NCKAP5L: variants seen among roughly 807,000 people sequenced by gnomAD.
NCKAP5L encodes the protein NCK associated protein 5 like.
NCKAP5L carries 54 observed loss-of-function variants against 103.2 expected under a neutral mutation model. The observed-to-expected ratio is 0.52, with a 90% CI of 0.42 to 0.66. NCKAP5L has a LOEUF of 0.66. NCKAP5L is among the 30% of genes least tolerant of loss of function. NCKAP5L has a pLI of 0.00. For synonymous variants in NCKAP5L, 762 were observed against 748.6 expected (o/e 1.02, Z -0.29); for missense variants, 1,733 against 1,750.6 (o/e 0.99, Z 0.18).
In NCKAP5L at chr12:49,797,418, A is replaced by C; in HGVS notation, c.466-24T>G. ...ACCTTAGGGGAGAGATGATGGCATG[A>C]GGAGGAGACCACACACAGCTGGGAT... On this transcript the variant is annotated intron_variant, in intron 7 of 12. Coordinates refer to ENST00000335999, the MANE Select transcript of NCKAP5L (RefSeq NM_001037806.4). This position sits in a 1 kb window ranked among gnomAD's most constrained non-coding sequence, Gnocchi z 4.5. 1 of 1,533,688 alleles carries C rather than the reference A, an allele frequency of 6.5e-7. No individual in the cohort carries two copies. The highest frequency in any genetic ancestry group is 8.9e-7 in the Non-Finnish European group (1 of 1,126,700).
intron 1 of NCKAP5L, among the ~76,000 whole-genome samples, chr12:49,825,100 C>T (rs1565598791): frequency 6.6e-6 from 1 of 152,204 alleles, no homozygotes; most frequent in African/African-American, 2.4e-5. Context: ...TCACTTCCCC[C>T]TCTGGACTTC....
intron 1 of NCKAP5L, among the ~76,000 whole-genome samples, chr12:49,825,040 C>G (rs1592765133): frequency 6.6e-6 from 1 of 152,194 alleles, no homozygotes; most frequent in East Asian, 1.9e-4. Flanking sequence ...CCATGTAAAA[C>G]TACACAGCAG....
rs1324198158 is a variant in NCKAP5L at position 49,795,080 on chromosome 12, T to C, written c.2780A>G (p.Lys927Arg). Residue 927 changes from lysine (K) to arginine (R), a missense_variant, in exon 8 of 13, where the codon AAG becomes AGG. By Grantham distance (26) the Lys-to-Arg change is conservative. Transcript: ENST00000335999. Reference protein sequence around the residue: ...IASWFGLKKSKLPALNRRTEA... With the variant: ...IASWFGLKKSRLPALNRRTEA... ...TGTGCGGCGGTTCAGCGCTGGCAGCTTGCTCTTCTTAAGGCCGAACCAGCT... is the reference window on the plus strand; with the variant it reads ...TGTGCGGCGGTTCAGCGCTGGCAGCCTGCTCTTCTTAAGGCCGAACCAGCT... 3 of 1,612,478 alleles carry C rather than the reference T, an allele frequency of 1.9e-6. No individual in the cohort carries two copies. Among genetic ancestry groups the C allele is most frequent in the Non-Finnish European group, 1.7e-6 (2 of 1,179,504 alleles).
chr12:49,792,153 C>T lies in NCKAP5L; in HGVS notation c.3793-102G>A. 8.5e-7 allele frequency: 1 copy of T among 1,175,500 alleles called. No homozygotes were observed. The highest frequency in any genetic ancestry group is 1.2e-6 in the Non-Finnish European group (1 of 845,792). The allele number at this position is 1,175,500 out of a possible 1,614,324, so 72.8% of individuals were successfully genotyped here. ...GGGCGTCTGTGCACCTGATGGGGGGCTGCTCCAGAGGGGGCCCAAGGTGGG... is the reference window on the plus strand; with the variant it reads ...GGGCGTCTGTGCACCTGATGGGGGGTTGCTCCAGAGGGGGCCCAAGGTGGG... On this transcript the variant is annotated intron_variant, in intron 12 of 12. Coordinates refer to ENST00000335999, the MANE Select transcript of NCKAP5L (RefSeq NM_001037806.4). The surrounding 1 kb of genome is among the most constrained non-coding windows in gnomAD (Gnocchi z 4.5).
intron 1 of NCKAP5L, among the ~76,000 whole-genome samples, chr12:49,806,966 T>G (rs554749793): frequency 6.6e-6 from 1 of 152,198 alleles, no homozygotes; most frequent in Non-Finnish European, 1.5e-5. Context: ...TACAAAGCTA[T>G]GGGGTTGTTG....
intron 8 of NCKAP5L, 64 bp from the exon 9 acceptor site, chr12:49,793,960 AC>A: frequency 7.2e-7 from 1 of 1,380,148 alleles, no homozygotes; most frequent in Non-Finnish European, 9.5e-7. Flanking sequence ...CCAGCCTTGC[AC>A]CCGCCAATGG....
In NCKAP5L at chr12:49,798,416, G is replaced by A. The variant is rs370876283; in HGVS notation, c.399C>T (p.Pro133=). ...LQPPSEPPAS[P]SLSSTEGPAA... is the part of the protein sequence containing the mutation. ...CCGGTCCCTCAGTGGAGCTCAGGGAGGGGGAGGCTGGTGGCTCTGATGGTG... is the reference window on the plus strand; with the variant it reads ...CCGGTCCCTCAGTGGAGCTCAGGGAAGGGGAGGCTGGTGGCTCTGATGGTG... Residue 133 remains proline (P), a synonymous_variant, in exon 7 of 13, where the codon CCC becomes CCT. Coordinates refer to ENST00000335999, the MANE Select transcript of NCKAP5L (RefSeq NM_001037806.4). The A allele has an allele frequency of 1.5e-5, 23 of 1,580,858 alleles. No individual in the cohort carries two copies. The highest frequency in any genetic ancestry group is 1.2e-4 in the South Asian group (10 of 86,278).
chr12:49,792,504 G>A lies in NCKAP5L; in HGVS notation c.3734C>T (p.Ser1245Phe), dbSNP rs975339752. 8 of 1,613,648 alleles carry A rather than the reference G, an allele frequency of 5.0e-6. No homozygotes were observed. Among genetic ancestry groups the A allele is most frequent in the Non-Finnish European group, 5.9e-6 (7 of 1,179,712 alleles). ...TFPNTRAAGS[S>F]SDPLMCPPRQ... The stretch of plus-strand genomic sequence containing the variant: ...GGGTGGGCACATGAGAGGGTCCGAG[G>A]AGCTGCCGGCTGCCCTAGTATTGGG... Residue 1245 changes from serine to phenylalanine, a missense_variant, in exon 12 of 13, where the codon TCC (serine) becomes TTC (phenylalanine). By Grantham distance (155) the Ser-to-Phe change is radical. Transcript: ENST00000335999. The surrounding 1 kb of genome is among the most constrained non-coding windows in gnomAD (Gnocchi z 4.5).
chr12:49,816,134 T>C (rs1458811718), intron 1 of NCKAP5L, among the ~76,000 whole-genome samples: 1 of 152,124 alleles, frequency 6.6e-6, no homozygotes, highest in Non-Finnish European at 1.5e-5. Flanking sequence ...TCTTGAACAT[T>C]CCCTGTGAAG....
chr12:49,826,255 T>G (rs1256306489), intron 1 of NCKAP5L, among the ~76,000 whole-genome samples: 1 of 152,000 alleles, frequency 6.6e-6, no homozygotes, highest in Non-Finnish European at 1.5e-5. Context: ...CTAAAACAAG[T>G]CCCAACAGCT....
chr12:49,793,560 ATC>A (rs897065465), intron 9 of NCKAP5L, 127 bp from the exon 10 acceptor site: 2 of 1,236,514 alleles, frequency 1.6e-6, no homozygotes, highest in African/African-American at 3.0e-5. Context: ...AGGAGTATGG[ATC>A]TGAGAGCCCC....
At chr12:49,804,786 G>A (rs1946161213) in intron 2 of NCKAP5L, 1 of 152,298 alleles carries the variant, frequency 6.6e-6, no homozygotes, top group African/African-American at 2.4e-5. Context: ...CATTGTGAGA[G>A]TCAAATGTGA....
intron 5 of NCKAP5L, chr12:49,802,437 C>T (rs1365984610): frequency 4.3e-5 from 7 of 161,678 alleles, no homozygotes; most frequent in Admixed American, 1.8e-4. Flanking sequence ...TTAGTAGAGA[C>T]GGGGTTTCAC....
At position 49,797,715 on chromosome 12, in the gene NCKAP5L, CTG is replaced by C. The variant is rs1009516108; in HGVS notation, c.466-323_466-322del. On this transcript the variant is annotated intron_variant, in intron 7 of 12. Transcript: ENST00000335999. This position sits in a 1 kb window ranked among gnomAD's most constrained non-coding sequence, Gnocchi z 4.5. ...GGCTGACCACCTAAAACTCTGACCT[CTG>C]TGTTTGTCCCAGGGGAGGGAGGCCT... is the stretch of plus-strand genomic sequence containing the variant. Among the ~76,000 whole-genome samples, 2 of 152,170 alleles carry C rather than the reference CTG, an allele frequency of 1.3e-5. No homozygotes were observed. Among genetic ancestry groups the C allele is most frequent in the Admixed American group, 1.3e-4 (2 of 15,284 alleles).
chr12:49,813,084 G>A (rs1423303860), intron 1 of NCKAP5L, among the ~76,000 whole-genome samples: 1 of 152,080 alleles, frequency 6.6e-6, no homozygotes, highest in East Asian at 1.9e-4. Context: ...TTGGCCCACA[G>A]TTGGTTGGAC....
rs750832821 is a variant in NCKAP5L, at chr12:49,795,783, C to T, written c.2077G>A (p.Glu693Lys). ...GACTTCCCAGGTCCCCGGGTCTTTTCGGTGCCAGGCCTGGCTGGCACCCCA... is the reference window on the plus strand; with the variant it reads ...GACTTCCCAGGTCCCCGGGTCTTTTTGGTGCCAGGCCTGGCTGGCACCCCA... ...KNGVPARPGT[E>K]KTRGPGKSGE... The change falls in exon 8 of 13, where the codon GAA (glutamate) becomes AAA (lysine). Residue 693 changes from glutamate (E) to lysine (K), a missense_variant. Transcript: ENST00000335999. The T allele has an allele frequency of 1.7e-5, 27 of 1,582,770 alleles. No homozygotes were observed. The highest frequency in any genetic ancestry group is 1.4e-4 in the Admixed American group (8 of 55,296).
intron 1 of NCKAP5L, among the ~76,000 whole-genome samples, chr12:49,812,541 G>T (rs560387642): frequency 8.5e-4 from 129 of 152,052 alleles, no homozygotes; most frequent in Non-Finnish European, 1.5e-3. Flanking sequence ...CCGCCACCAC[G>T]CCTGGCTAAT....
chr12:49,823,987 G>T (rs563650888), intron 1 of NCKAP5L, among the ~76,000 whole-genome samples: 1 of 152,184 alleles, frequency 6.6e-6, no homozygotes, highest in Non-Finnish European at 1.5e-5. Context: ...GCTGGGCGGT[G>T]GGGGGTGAGG....
rs1592752507 is a variant in NCKAP5L at position 49,802,085 on chromosome 12, C to T, written c.232-118G>A. The T allele has an allele frequency of 2.4e-5, 29 of 1,229,016 alleles. No individual in the cohort carries two copies. In the South Asian group the frequency reaches 3.8e-4, roughly 16 times the overall value. 76.1% of individuals were successfully genotyped at this position (1,229,016 alleles called of 1,614,324 possible). A position where few individuals can be genotyped will look rare whatever the true frequency, so the allele number is the denominator to read the frequency against. On this transcript the variant is annotated intron_variant, in intron 5 of 12. Transcript: ENST00000335999. ...AGGCCCCAGGACCCTTCTGGGCACA[C>T]ACTTCCGCTGCAACCTCCTTCTATG...
Sources: gnomAD v4.1 joint callset for allele counts (sites outside exome capture counted in the v4.1 genomes callset) on GRCh38, gnomAD v4.1.1 for gene constraint, Gnocchi (gnomAD v3.1) non-coding constraint, MANE v1.5 for transcripts, NCBI Gene and HGNC (gene_info 2026-07-23, HGNC 2026-07-21) for gene names.